PWWP2A: variants seen among roughly 807,000 people sequenced by gnomAD.
PWWP2A encodes PWWP domain containing 2A, also known as PWWP domain-containing protein 2A.
In PWWP2A, 18 loss-of-function variants were observed where a neutral mutation model predicts 48.5. The observed-to-expected ratio is 0.37, with a 90% CI of 0.26 to 0.55. The LOEUF (loss-of-function observed/expected upper bound fraction) is 0.55. Among genes scored for constraint, PWWP2A ranks in the 20% least tolerant of loss-of-function variants. The pLI, the probability that PWWP2A is intolerant of heterozygous loss-of-function variation, is 0.81. For missense variants in PWWP2A, 867 were observed against 976.4 expected, an observed-to-expected ratio of 0.89 and a Z score of 1.49; for synonymous variants, 396 against 387.7, an observed-to-expected ratio of 1.02 and a Z score of -0.25.
At chr5:160,072,290 T>C (rs1162627616), downstream of PWWP2A, among the ~76,000 whole-genome samples, 1 of 152,150 alleles carries the variant, frequency 6.6e-6, no homozygotes, top group Non-Finnish European at 1.5e-5. Context: ...GCAGCACATA[T>C]ACTAAAATTG....
Position 160,093,853 on chromosome 5 carries a change from A to T in PWWP2A, c.797T>A (p.Phe266Tyr), listed in dbSNP as rs779736468. The change falls in exon 2 of 2, where the codon TTC (phenylalanine) becomes TAC (tyrosine). Residue 266 changes from phenylalanine (F) to tyrosine (Y), a missense_variant. Phe to Tyr is a conservative substitution (Grantham distance 22, BLOSUM62 3). This residue lies in a region of PWWP2A where 385 missense variants were observed against 396.9 expected (regional missense o/e 0.97). Coordinates refer to ENST00000307063, the MANE Select transcript of PWWP2A (RefSeq NM_001130864.2). The surrounding 1 kb of genome is among the most constrained non-coding windows in gnomAD (Gnocchi z 5.8). ...SLWTSKPPPL[F>Y]HEGAPYPPPL... ...GGGAGGATAAGGTGCTCCTTCATGGAAGAGAGGTGGTGGTTTGGAAGTCCA... is the reference window on the plus strand; with the variant it reads ...GGGAGGATAAGGTGCTCCTTCATGGTAGAGAGGTGGTGGTTTGGAAGTCCA... The T allele has an allele frequency of 6.2e-7, 1 of 1,613,988 alleles. No individual in the cohort carries two copies. Among genetic ancestry groups the T allele is most frequent in the South Asian group, 1.1e-5 (1 of 91,086 alleles).
At chr5:160,065,520 G>A (rs1186119936) in intron 4 of PWWP2A, 1 of 405,750 alleles carries the variant, frequency 2.5e-6, no homozygotes, top group Non-Finnish European at 4.9e-6. Flanking sequence ...TTTCCTCTGT[G>A]GTAATAAAAG....
At chr5:160,109,774 A>AAAAATAT (rs1554104831) in intron 1 of PWWP2A, among the ~76,000 whole-genome samples, 2 of 25,236 alleles carry the variant, frequency 7.9e-5, no homozygotes, top group African/African-American at 3.0e-4. Flanking sequence ...AAAAAAAAAA[A>AAAAATAT]ATATATATAT....
intron 2 of PWWP2A, among the ~76,000 whole-genome samples, chr5:160,067,997 A>G (rs1417197867): frequency 1.3e-5 from 2 of 152,208 alleles, no homozygotes; most frequent in East Asian, 3.9e-4. Context: ...CCTGACCAAC[A>G]TGGTGAAACC....
chr5:160,091,059 G>C (rs1281708257), downstream of PWWP2A: 1 of 984,616 alleles, frequency 1.0e-6, no homozygotes, highest in African/African-American at 1.7e-5. Flanking sequence ...GAAATATTAA[G>C]ACTAAAAATT....
At chr5:160,111,271 G>A (rs1757542982) in intron 1 of PWWP2A, among the ~76,000 whole-genome samples, 2 of 152,094 alleles carry the variant, frequency 1.3e-5, no homozygotes, top group South Asian at 2.1e-4. Context: ...GGGTTCAAGC[G>A]ATTCTCCTGT....
rs536377002 is a variant in PWWP2A, at chr5:160,104,441, AAAG to A, written c.585-10379_585-10377del. 4.6e-5 allele frequency among the ~76,000 whole-genome samples: 7 copies of A among 152,266 alleles called. No homozygotes were observed. The East Asian group carries it at 1.3e-3, about 29-fold the overall frequency. Reference sequence around the variant, plus strand: ...GCAAGACCTTGCCTCTAAAAAAAAAAAAGGACAGAGAGAGAGGCTAGTGAAGTC... The same window carrying A: ...GCAAGACCTTGCCTCTAAAAAAAAAAGACAGAGAGAGAGGCTAGTGAAGTC... On this transcript the variant is annotated intron_variant, in intron 1 of 1. Transcript: ENST00000307063.
At chr5:160,105,241 A>G (rs1756752712) in intron 1 of PWWP2A, among the ~76,000 whole-genome samples, 1 of 40,914 alleles carries the variant, frequency 2.4e-5, no homozygotes, top group Non-Finnish European at 5.4e-5. Context: ...CTCTAAGGCA[A>G]AAAAAAAAAA....
At chr5:160,109,553 G>C (rs1016518821) in intron 1 of PWWP2A, among the ~76,000 whole-genome samples, 1 of 151,340 alleles carries the variant, frequency 6.6e-6, no homozygotes, top group African/African-American at 2.4e-5. Context: ...TCTTATGTCT[G>C]CAATACTAAA....
At chr5:160,090,056 G>A (rs989246566), downstream of PWWP2A, 1 of 985,384 alleles carries the variant, frequency 1.0e-6, no homozygotes. Context: ...AAATATGCCA[G>A]ACTGCCAGTT....
downstream of PWWP2A, chr5:160,089,431 C>T (rs551635087): frequency 1.5e-5 from 11 of 749,710 alleles, no homozygotes; most frequent in East Asian, 7.5e-5. Context: ...AGAGTGGTCT[C>T]GAACTCCGGG....
At chr5:160,108,201 G>A (rs187068303) in intron 1 of PWWP2A, among the ~76,000 whole-genome samples, 12 of 151,726 alleles carry the variant, frequency 7.9e-5, no homozygotes, top group African/African-American at 2.7e-4. Flanking sequence ...AGAGTGGCCC[G>A]GAGGATTCTT....
chr5:160,103,887 C>T (rs1235057618), intron 1 of PWWP2A, among the ~76,000 whole-genome samples: 2 of 151,122 alleles, frequency 1.3e-5, no homozygotes, highest in East Asian at 2.0e-4. Flanking sequence ...TCTGGGAGGC[C>T]GAGGTGGGTG....
intron 3 of PWWP2A, among the ~76,000 whole-genome samples, chr5:160,079,553 C>T (rs550407860): frequency 6.6e-6 from 1 of 152,250 alleles, no homozygotes; most frequent in East Asian, 1.9e-4. Context: ...AAGGCTCACA[C>T]AGAACTTTGG....
chr5:160,092,188 A>C lies in PWWP2A; in HGVS notation c.*194T>G. 1 of 1,334,880 alleles carries C rather than the reference A, an allele frequency of 7.5e-7. No homozygotes were observed. The highest frequency in any genetic ancestry group is 9.6e-7 in the Non-Finnish European group (1 of 1,046,832). The allele number at this position is 1,334,880 out of a possible 1,614,324, so 82.7% of individuals were successfully genotyped here. ...AATACTGCTAAAATCTCACTTCCTT[A>C]ACACAAAATTTGATTATATGTTCAG... On this transcript the variant is annotated 3_prime_UTR_variant, in exon 2 of 2. Coordinates refer to ENST00000307063, the MANE Select transcript of PWWP2A (RefSeq NM_001130864.2).
Position 160,092,081 on chromosome 5 carries a change from T to C in PWWP2A, c.*301A>G, listed in dbSNP as rs144436678. On this transcript the variant is annotated 3_prime_UTR_variant, in exon 2 of 2. Coordinates refer to ENST00000307063, the MANE Select transcript of PWWP2A (RefSeq NM_001130864.2). ...ATACAGTATTAGGTACAAATGGCAATTAACAGTCCCTACAAAAATTCAATT... is the reference window on the plus strand; with the variant it reads ...ATACAGTATTAGGTACAAATGGCAACTAACAGTCCCTACAAAAATTCAATT... The C allele has an allele frequency of 6.6e-4, 703 of 1,071,950 alleles. 5 individuals carry two copies. In the African/African-American group the frequency reaches 0.01, roughly 16 times the overall value. 66.4% of individuals were successfully genotyped at this position (1,071,950 alleles called of 1,614,324 possible).
intron 2 of PWWP2A, among the ~76,000 whole-genome samples, chr5:160,081,494 C>T (rs1754231834): frequency 6.6e-6 from 1 of 152,158 alleles, no homozygotes; most frequent in Non-Finnish European, 1.5e-5. Flanking sequence ...CCTACCTCGG[C>T]CTCCCAAAGT....
At position 160,063,343 on chromosome 5, in the gene PWWP2A, A is replaced by G. The variant is rs144372095; in HGVS notation, c.*368+199T>C. Among the ~76,000 whole-genome samples the G allele has an allele frequency of 8.0e-4, 122 of 152,260 alleles. 2 individuals carry two copies. The highest frequency in any genetic ancestry group is 2.9e-3 in the African/African-American group (120 of 41,552). ...GCAATCCTCCTAACTCAGCCTCTGCATAGCTGTGACAACAGGTGTGTGCCA... is the reference window on the plus strand; with the variant it reads ...GCAATCCTCCTAACTCAGCCTCTGCGTAGCTGTGACAACAGGTGTGTGCCA... On this transcript the variant is annotated intron_variant and NMD_transcript_variant, in intron 5 of 5. Transcript: ENST00000524050.
rs1285189693 is a variant in PWWP2A at position 160,093,239 on chromosome 5, G to A, written c.1411C>T (p.Pro471Ser). 3 of 1,614,058 alleles carry A rather than the reference G, an allele frequency of 1.9e-6. No individual in the cohort carries two copies. The highest frequency in any genetic ancestry group is 1.7e-6 in the Non-Finnish European group (2 of 1,179,886). The change falls in exon 2 of 2, where the codon CCA becomes TCA. Residue 471 changes from proline (P) to serine (S), a missense_variant. This residue lies in a region of PWWP2A where 382 missense variants were observed against 407.2 expected (regional missense o/e 0.94). Coordinates refer to ENST00000307063, the MANE Select transcript of PWWP2A (RefSeq NM_001130864.2). This position sits in a 1 kb window ranked among gnomAD's most constrained non-coding sequence, Gnocchi z 5.8. ...TGTGGTTTTAAACGAACCCGGGGTG[G>A]AAGGGAACCTGAGCTAGGATTCTGA... ...RYQNPSSGSL[P>S]PRVRLKPQRY...
Sources: allele counts gnomAD v4.1 joint callset (sites outside exome capture counted in the v4.1 genomes callset), GRCh38; gene constraint gnomAD v4.1.1; regional missense constraint gnomAD v4.1.1; non-coding constraint Gnocchi (gnomAD v3.1); transcripts MANE v1.5; gene names NCBI Gene and HGNC (gene_info 2026-07-23, HGNC 2026-07-21).